PI4KA: variants seen among roughly 807,000 people sequenced by gnomAD.
PI4KA encodes PI4-kinase alpha.
A neutral mutation model predicts 271.4 loss-of-function variants in PI4KA; 122 were observed. That is an observed-to-expected ratio of 0.45 (90% CI 0.39 to 0.52). The LOEUF is 0.52. Among genes scored for constraint, PI4KA ranks in the 20% least tolerant of loss-of-function variants. The pLI is 0.00. For synonymous variants in PI4KA, 1,041 were observed against 1,078.8 expected (o/e 0.96, Z 0.69); for missense variants, 1,969 against 2,769.1 (o/e 0.71, Z 6.48).
intron 34 of PI4KA, 29 bp from the exon 35 acceptor site, chr22:20,733,872 G>C: frequency 6.2e-7 from 1 of 1,612,048 alleles, no homozygotes; most frequent in Non-Finnish European, 8.5e-7. Context: ...CCCAGTTAGA[G>C]CAGGAGCCTG....
rs117628745 is a variant in PI4KA, at chr22:20,781,438, C to T, written c.2328+11755G>A. Among the ~76,000 whole-genome samples the T allele has an allele frequency of 5.9e-3, 895 of 152,340 alleles. 8 individuals carry two copies. The highest frequency in any genetic ancestry group is 0.055 in the East Asian group (286 of 5,188). On this transcript the variant is annotated intron_variant, in intron 19 of 54. Coordinates refer to ENST00000255882, the MANE Select transcript of PI4KA (RefSeq NM_058004.4). The stretch of plus-strand genomic sequence containing the variant: ...CCAGTGCTTTCTGCTAGTTAGCTCC[C>T]GTGGTTTTATAGCAGCCCAGGCGAA...
intron 3 of PI4KA, among the ~76,000 whole-genome samples, chr22:20,832,719 T>C (rs1409804781): frequency 6.6e-6 from 1 of 152,212 alleles, no homozygotes; most frequent in African/African-American, 2.4e-5. Context: ...CCTCCCAAAG[T>C]GCAGAGATTA....
intron 19 of PI4KA, chr22:20,786,260 G>A: frequency 1.7e-6 from 2 of 1,205,334 alleles, no homozygotes; most frequent in South Asian, 1.2e-5. Context: ...AGCTTGGGGT[G>A]CTGAGTCTGC....
chr22:20,790,724 AC>A (rs1934581725), intron 19 of PI4KA, among the ~76,000 whole-genome samples: 2 of 151,448 alleles, frequency 1.3e-5, no homozygotes, highest in Non-Finnish European at 2.9e-5. Flanking sequence ...ACACACACAC[AC>A]ACACACACAC....
At chr22:20,764,544 TCACAA>T (rs929137373) in intron 22 of PI4KA, 39 of 383,700 alleles carry the variant, frequency 1.0e-4, no homozygotes, top group African/African-American at 7.9e-4. Context: ...TGGGCTGAGT[TCACAA>T]CACTGACTGC....
chr22:20,721,383 C>A lies in PI4KA; in HGVS notation c.5031G>T (p.Ala1677=), dbSNP rs369839823. Residue 1677 remains alanine (A), a synonymous_variant, in exon 43 of 55, where the codon GCG becomes GCT. Transcript: ENST00000255882. ...GYVREYILWA[A]SKSQLLAHQF... ...GGTGTGCCAGAAGCTGGGATTTAGA[C>A]GCTGCCCACAGAATATACTCCCGCA... 5.6e-6 allele frequency: 9 copies of A among 1,613,828 alleles called. No individual in the cohort carries two copies. The highest frequency in any genetic ancestry group is 5.9e-6 in the Non-Finnish European group (7 of 1,179,938).
At chr22:20,818,170 G>T (rs1267281594) in intron 7 of PI4KA, among the ~76,000 whole-genome samples, 1 of 152,090 alleles carries the variant, frequency 6.6e-6, no homozygotes, top group Non-Finnish European at 1.5e-5. Flanking sequence ...CACCTGAAAA[G>T]AACTTTTACA....
chr22:20,712,307 G>A (rs1275841904), intron 50 of PI4KA, 179 bp downstream of exon 50: 6 of 939,650 alleles, frequency 6.4e-6, no homozygotes, highest in African/African-American at 3.6e-5. Context: ...TGCCCGCCTC[G>A]GCCTCCCAAA....
At chr22:20,784,809 G>A (rs971769208) in intron 19 of PI4KA, among the ~76,000 whole-genome samples, 2 of 152,212 alleles carry the variant, frequency 1.3e-5, no homozygotes, top group Non-Finnish European at 2.9e-5. Context: ...ATGGCAGAAA[G>A]AATGGAGAGG....
rs142296310 is a variant in PI4KA, at chr22:20,742,557, A to G, written c.3613+51T>C. ...CAGCTGGCTATGGGTCATCAAGGCC[A>G]GCATTCATTTAGAAACGAGCCCAGA... On this transcript the variant is annotated intron_variant, in intron 31 of 54. Transcript: ENST00000255882. 126 of 1,604,420 alleles carry G rather than the reference A, an allele frequency of 7.9e-5. 1 individual carries two copies. The African/African-American group carries it at 1.6e-3, about 21-fold the overall frequency.
chr22:20,855,516 C>G (rs1354197491), intron 1 of PI4KA, among the ~76,000 whole-genome samples: 1 of 152,102 alleles, frequency 6.6e-6, no homozygotes, highest in African/African-American at 2.4e-5. Flanking sequence ...TAGTTGTACT[C>G]ATGGCTAAAT....
intron 1 of PI4KA, among the ~76,000 whole-genome samples, chr22:20,843,658 C>T (rs898898292): frequency 2.6e-5 from 4 of 152,118 alleles, no homozygotes; most frequent in African/African-American, 9.7e-5. Context: ...ACAGATGCAA[C>T]CAGCAAACGT....
Position 20,729,932 on chromosome 22 carries a change from G to A in PI4KA, c.4368C>T (p.Tyr1456=), listed in dbSNP as rs113584704. 538 of 1,614,212 alleles carry A rather than the reference G, an allele frequency of 3.3e-4. No individual in the cohort carries two copies. The African/African-American group carries it at 6.0e-3, about 18-fold the overall frequency. ...QQATQGWINT[Y]PLSSGMSTIS... ...TGGTGGACATGCCGCTGGACAGGGG[G>A]TATGTGTTGATCCAGCCTTGGGTGG... The change falls in exon 37 of 55, where the codon TAC becomes TAT. Residue 1456 remains tyrosine (Y), a synonymous_variant. Transcript: ENST00000255882.
At chr22:20,812,504 G>A (rs1921181706) in intron 8 of PI4KA, among the ~76,000 whole-genome samples, 2 of 152,030 alleles carry the variant, frequency 1.3e-5, no homozygotes, top group African/African-American at 4.8e-5. Context: ...ATTCAAATCT[G>A]TCTTGAACCA....
intron 22 of PI4KA, among the ~76,000 whole-genome samples, chr22:20,763,026 G>GTGT (rs1555888580): frequency 2.9e-5 from 2 of 68,508 alleles, no homozygotes; most frequent in East Asian, 1.0e-3. Context: ...TTGGGGGGGG[G>GTGT]GGGGGTTAGA....
chr22:20,822,376 G>C (rs747412414), intron 4 of PI4KA, among the ~76,000 whole-genome samples: 1 of 113,364 alleles, frequency 8.8e-6, no homozygotes, highest in Non-Finnish European at 1.8e-5. Context: ...AGATACCTAA[G>C]TCTTCTTTCG....
chr22:20,779,053 T>C lies in PI4KA; in HGVS notation c.2329-13360A>G, dbSNP rs140596238. On this transcript the variant is annotated intron_variant, in intron 19 of 54. Transcript: ENST00000255882. Reference sequence around the variant, plus strand: ...TCTAGAAGGTTAGTTTTGCAAACCTTTAAAGAAGGGATTTTCATCAAGGGG... The same window carrying C: ...TCTAGAAGGTTAGTTTTGCAAACCTCTAAAGAAGGGATTTTCATCAAGGGG... The C allele has an allele frequency of 2.9e-4, 256 of 876,676 alleles. 3 individuals carry two copies. The East Asian group carries it at 7.9e-3, about 27-fold the overall frequency. The allele number at this position is 876,676 out of a possible 1,614,324, so 54.3% of individuals were successfully genotyped here.
chr22:20,785,551 T>C (rs993648317), intron 19 of PI4KA, among the ~76,000 whole-genome samples: 2 of 152,136 alleles, frequency 1.3e-5, no homozygotes, highest in Non-Finnish European at 2.9e-5. Context: ...AGGGATTGAG[T>C]AAGTTGAGGC....
At chr22:20,815,979 G>A (rs2147673428) in intron 7 of PI4KA, among the ~76,000 whole-genome samples, 1 of 151,254 alleles carries the variant, frequency 6.6e-6, no homozygotes, top group South Asian at 2.1e-4. Context: ...TCACTCTGTT[G>A]CCCAGGCTGC....
Sources: gnomAD v4.1 joint callset for allele counts (sites outside exome capture counted in the v4.1 genomes callset) on GRCh38, gnomAD v4.1.1 for gene constraint, MANE v1.5 for transcripts, NCBI Gene and HGNC (gene_info 2026-07-23, HGNC 2026-07-21) for gene names.